Variants in MAGI2 observed in about 807,000 individuals in gnomAD.
MAGI2 encodes the protein membrane-associated guanylate kinase, WW and PDZ domain-containing protein 2.
In MAGI2, 35 loss-of-function variants were observed where a neutral mutation model predicts 133.3. The observed-to-expected ratio is 0.26, with a 90% CI of 0.20 to 0.35. The LOEUF (loss-of-function observed/expected upper bound fraction) is 0.35, where lower values mean the gene tolerates loss of function less well. Ranked by LOEUF, MAGI2 falls within the 10% of genes least tolerant of loss-of-function variation. The probability of loss-of-function intolerance (pLI) is 1.00; values close to 1 mark genes in which losing one functional copy is unlikely to be tolerated. For synonymous variants in MAGI2, 729 were observed against 710.6 expected (o/e 1.03, Z -0.41); for missense variants, 1,636 against 1,863.4 (o/e 0.88, Z 2.25).
chr7:78,137,424 A>G (rs914525243), intron 16 of MAGI2, among the ~76,000 whole-genome samples: 1 of 152,256 alleles, frequency 6.6e-6, no homozygotes, highest in Non-Finnish European at 1.5e-5. Flanking sequence ...GAACTGATCT[A>G]TAAGTATTAA....
At chr7:78,460,974 A>G (rs1667925791) in intron 6 of MAGI2, among the ~76,000 whole-genome samples, 1 of 151,620 alleles carries the variant, frequency 6.6e-6, no homozygotes, top group African/African-American at 2.4e-5. Context: ...TCTCACACAC[A>G]CACCCTTCTT....
chr7:79,152,736 G>T (rs549053901), intron 1 of MAGI2, among the ~76,000 whole-genome samples: 10 of 152,294 alleles, frequency 6.6e-5, no homozygotes, highest in African/African-American at 2.4e-4. Context: ...GAGCAGACAG[G>T]TTGGGGATTT....
intron 2 of MAGI2, among the ~76,000 whole-genome samples, chr7:78,702,239 T>A (rs1459484493): frequency 6.6e-6 from 1 of 151,996 alleles, no homozygotes; most frequent in Non-Finnish European, 1.5e-5. Flanking sequence ...ACAAATCACT[T>A]ATGTGAATTG....
Position 78,431,074 on chromosome 7 carries a change from C to CTGTGTGTGTGTGTGTGTGTGTG in MAGI2, c.1045+58665_1045+58686dup, listed in dbSNP as rs147567944. 2.4e-3 allele frequency among the ~76,000 whole-genome samples: 353 copies of CTGTGTGTGTGTGTGTGTGTGTG among 146,490 alleles called. 2 individuals are homozygous for CTGTGTGTGTGTGTGTGTGTGTG. The highest frequency in any genetic ancestry group is 7.4e-3 in the African/African-American group (294 of 39,978). On this transcript the variant is annotated intron_variant, in intron 6 of 21. Coordinates refer to ENST00000354212, the MANE Select transcript of MAGI2 (RefSeq NM_012301.4). Reference sequence around the variant, plus strand: ...TGCCTGTTGGAATCAGTGAGGTAGGCTGTGTGTGTGTGTGTGTGTGTGTGT... The same window carrying CTGTGTGTGTGTGTGTGTGTGTG: ...TGCCTGTTGGAATCAGTGAGGTAGGCTGTGTGTGTGTGTGTGTGTGTGTGTGTGTGTGTGTGTGTGTGTGTGT...
In MAGI2 at chr7:79,011,908, CCTTCCTTCCTTCCTTCCTTT is replaced by C. The variant is rs1391443317; in HGVS notation, c.302-4722_302-4703del. On this transcript the variant is annotated intron_variant, in intron 1 of 21. Transcript: ENST00000354212. ...TTCTTCCTTCCTTCCTTCCTTCCTT[CCTTCCTTCCTTCCTTCCTTT>C]CTTTCTTTCTTTCTTTCTTTCTCTG... 2.6e-3 allele frequency among the ~76,000 whole-genome samples: 350 copies of C among 137,214 alleles called. 3 individuals carry two copies. The highest frequency in any genetic ancestry group is 9.6e-3 in the African/African-American group (337 of 34,988). 90.0% of individuals were successfully genotyped at this position (137,214 alleles called of 152,430 possible). A position where few individuals can be genotyped will look rare whatever the true frequency, so the allele number is the denominator to read the frequency against.
Position 78,749,177 on chromosome 7 carries a change from G to T in MAGI2, c.419-121938C>A, listed in dbSNP as rs181090286. Among the ~76,000 whole-genome samples the T allele has an allele frequency of 1.9e-3, 292 of 152,298 alleles. 4 individuals carry two copies. Among genetic ancestry groups the T allele is most frequent in the African/African-American group, 6.9e-3 (286 of 41,576 alleles). ...GATCTTCACCCAAGTTCAGAGGAGT[G>T]GGGGAGTTTTTCAGCTGAGATAGCA... On this transcript the variant is annotated intron_variant, in intron 2 of 21. Coordinates refer to ENST00000354212, the MANE Select transcript of MAGI2 (RefSeq NM_012301.4).
At chr7:78,761,937 G>A (rs544786373) in intron 2 of MAGI2, among the ~76,000 whole-genome samples, 1 of 152,086 alleles carries the variant, frequency 6.6e-6, no homozygotes, top group Non-Finnish European at 1.5e-5. Context: ...GGGCACCAAT[G>A]AGGAGCTCTC....
intron 1 of MAGI2, among the ~76,000 whole-genome samples, chr7:79,211,859 A>G (rs1829526502): frequency 6.6e-6 from 1 of 152,064 alleles, no homozygotes; most frequent in Non-Finnish European, 1.5e-5. Context: ...TAATAGAGTG[A>G]TATGCCCTTT....
intron 16 of MAGI2, among the ~76,000 whole-genome samples, chr7:78,140,137 G>A (rs542056715): frequency 1.3e-4 from 20 of 152,116 alleles, no homozygotes; most frequent in African/African-American, 4.6e-4. Context: ...AAAGTGGGCC[G>A]ATCCAGCCAA....
At chr7:79,401,868 T>C (rs1845493745) in intron 1 of MAGI2, among the ~76,000 whole-genome samples, 1 of 152,272 alleles carries the variant, frequency 6.6e-6, no homozygotes, top group East Asian at 1.9e-4. Flanking sequence ...AAATGGCTTT[T>C]CTAAATACAA....
intron 1 of MAGI2, among the ~76,000 whole-genome samples, chr7:79,340,596 A>AT (rs927125562): frequency 2.4e-4 from 37 of 151,980 alleles, no homozygotes; most frequent in African/African-American, 8.4e-4. Context: ...TTTCTTTCAC[A>AT]TTTTTTTCTA....
intron 1 of MAGI2, among the ~76,000 whole-genome samples, chr7:79,269,170 T>C (rs565919772): frequency 5.3e-5 from 8 of 152,198 alleles, no homozygotes; most frequent in Non-Finnish European, 1.2e-4. Flanking sequence ...TCTCTCCGCT[T>C]TTTGAGAACA....
chr7:79,349,273 C>A, intron 1 of MAGI2, among the ~76,000 whole-genome samples: 1 of 151,858 alleles, frequency 6.6e-6, no homozygotes, highest in South Asian at 2.1e-4. Context: ...CTAAATACAG[C>A]ATTAGCATTC....
chr7:79,419,455 T>C (rs1268152742), intron 1 of MAGI2, among the ~76,000 whole-genome samples: 2 of 152,054 alleles, frequency 1.3e-5, no homozygotes, highest in South Asian at 4.1e-4. Flanking sequence ...AGAGGACATA[T>C]GCTTTTCCTT....
chr7:78,327,286 T>C (rs1225079163), intron 9 of MAGI2, among the ~76,000 whole-genome samples: 1 of 152,260 alleles, frequency 6.6e-6, no homozygotes, highest in East Asian at 1.9e-4. Flanking sequence ...TGAGTTGCGA[T>C]GGCTTCATTG....
At chr7:78,032,311 T>C (rs983714928) in intron 21 of MAGI2, among the ~76,000 whole-genome samples, 1 of 152,008 alleles carries the variant, frequency 6.6e-6, no homozygotes. Context: ...ACCTCCTAGG[T>C]TCAAGCAATC....
intron 1 of MAGI2, among the ~76,000 whole-genome samples, chr7:79,151,308 T>C (rs1823216231): frequency 1.3e-5 from 2 of 152,202 alleles, no homozygotes; most frequent in African/African-American, 4.8e-5. Flanking sequence ...AAAAAATTAG[T>C]ATTTAATTAT....
chr7:79,323,742 CA>C (rs1188775992), intron 1 of MAGI2, among the ~76,000 whole-genome samples: 1 of 152,130 alleles, frequency 6.6e-6, no homozygotes, highest in African/African-American at 2.4e-5. Flanking sequence ...CAAGGAAACT[CA>C]AAAGCCAATT....
At chr7:78,512,956 G>C (rs924058566) in intron 4 of MAGI2, among the ~76,000 whole-genome samples, 1 of 151,992 alleles carries the variant, frequency 6.6e-6, no homozygotes, top group Non-Finnish European at 1.5e-5. Flanking sequence ...GATTAACAGG[G>C]GAGAAGAAAA....
Sources: allele counts gnomAD v4.1 joint callset (sites outside exome capture counted in the v4.1 genomes callset), GRCh38; gene constraint gnomAD v4.1.1; transcripts MANE v1.5; gene names NCBI Gene and HGNC (gene_info 2026-07-23, HGNC 2026-07-21).